Variants in TMEM45B observed in about 807,000 individuals in gnomAD.
TMEM45B encodes the protein transmembrane protein 45B.
Under a neutral mutation model 27.3 loss-of-function variants are expected in TMEM45B, and 29 were observed. The observed-to-expected ratio is 1.06, with a 90% confidence interval of 0.79 to 1.45. The LOEUF (loss-of-function observed/expected upper bound fraction) is 1.45, where lower values mean the gene tolerates loss of function less well. Ranked by LOEUF, TMEM45B falls within the 40% of genes most tolerant of loss-of-function variation. TMEM45B has a pLI of 0.00. For synonymous variants in TMEM45B, 143 were observed against 134.7 expected (o/e 1.06, Z -0.43); for missense variants, 348 against 343.9 (o/e 1.01, Z -0.09).
intron 5 of TMEM45B, among the ~76,000 whole-genome samples, chr11:129,858,187 G>C (rs938174006): frequency 5.3e-5 from 8 of 152,068 alleles, no homozygotes; most frequent in Middle Eastern, 3.2e-3. Context: ...TTTTCTTCTA[G>C]GTCATTTCTC....
At chr11:129,826,054 A>C (rs181103103) in intron 1 of TMEM45B, among the ~76,000 whole-genome samples, 33 of 151,352 alleles carry the variant, frequency 2.2e-4, no homozygotes, top group Non-Finnish European at 3.5e-4. Context: ...CTTTCACTCT[A>C]ATGTATGCTG....
At chr11:129,852,883 AAATC>A (rs1281221435) in intron 2 of TMEM45B, 3 of 402,146 alleles carry the variant, frequency 7.5e-6, no homozygotes, top group Non-Finnish European at 1.3e-5. Context: ...TGAAAAACTC[AAATC>A]AACAAGGACA....
rs180837598 is a variant in TMEM45B at position 129,816,826 on chromosome 11, C to G, written c.-9+928C>G. Reference sequence around the variant, plus strand: ...AATCTCGGATCACTGCAAGCTCCACCTCCCGGGTTCACACCATTCTCCTGC... The same window carrying G: ...AATCTCGGATCACTGCAAGCTCCACGTCCCGGGTTCACACCATTCTCCTGC... On this transcript the variant is annotated intron_variant, in intron 1 of 5. Coordinates refer to ENST00000281441, the MANE Select transcript of TMEM45B (RefSeq NM_138788.5). Among the ~76,000 whole-genome samples, 33 of 149,802 alleles carry G rather than the reference C, an allele frequency of 2.2e-4. No individual in the cohort carries two copies. In the East Asian group the frequency reaches 4.1e-3, roughly 19 times the overall value.
intron 3 of TMEM45B, among the ~76,000 whole-genome samples, chr11:129,855,259 G>A (rs191547291): frequency 3.3e-5 from 5 of 151,996 alleles, no homozygotes; most frequent in Admixed American, 2.6e-4. Context: ...GGGAGGTACC[G>A]TCTTGCCTCC....
At chr11:129,855,428 TAC>T (rs1020592068) in intron 3 of TMEM45B, among the ~76,000 whole-genome samples, 7 of 152,204 alleles carry the variant, frequency 4.6e-5, no homozygotes, top group African/African-American at 1.4e-4. Context: ...ATTTCAAGTA[TAC>T]ACACACAGTC....
At chr11:129,817,669 T>C (rs1947368887) in intron 1 of TMEM45B, among the ~76,000 whole-genome samples, 1 of 152,204 alleles carries the variant, frequency 6.6e-6, no homozygotes, top group Non-Finnish European at 1.5e-5. Context: ...ATTCCATGAG[T>C]TCCTCCCACA....
intron 1 of TMEM45B, among the ~76,000 whole-genome samples, chr11:129,833,460 A>G (rs528299769): frequency 6.6e-6 from 1 of 151,986 alleles, no homozygotes; most frequent in East Asian, 1.9e-4. Flanking sequence ...CAGTAATCCA[A>G]TATGACTGGT....
At chr11:129,834,966 AAGAT>A (rs1039817552) in intron 1 of TMEM45B, among the ~76,000 whole-genome samples, 2 of 152,214 alleles carry the variant, frequency 1.3e-5, no homozygotes, top group African/African-American at 4.8e-5. Context: ...AACTAGAAGA[AAGAT>A]AGACCTTGTT....
rs11823487 is a variant in TMEM45B, at chr11:129,835,132, G to A, written c.-8-17343G>A. On this transcript the variant is annotated intron_variant, in intron 1 of 5. Coordinates refer to ENST00000281441, the MANE Select transcript of TMEM45B (RefSeq NM_138788.5). Reference sequence around the variant, plus strand: ...CTTCTTGCTGCTCATAGTAAAATATGAGAGGAGAGAGACAAGCTAAAAAAG... The same window carrying A: ...CTTCTTGCTGCTCATAGTAAAATATAAGAGGAGAGAGACAAGCTAAAAAAG... Among the ~76,000 whole-genome samples, 1,101 of 152,310 alleles carry A rather than the reference G, an allele frequency of 7.2e-3. 7 individuals carry two copies. The highest frequency in any genetic ancestry group is 0.024 in the African/African-American group (1,015 of 41,560).
chr11:129,827,445 CTG>C (rs1947498649), intron 1 of TMEM45B, among the ~76,000 whole-genome samples: 1 of 152,192 alleles, frequency 6.6e-6, no homozygotes, highest in African/African-American at 2.4e-5. Flanking sequence ...GTACCACACA[CTG>C]TAAGCAGTTA....
Position 129,855,693 on chromosome 11 carries a change from T to C in TMEM45B, c.386-15T>C. ...CCAAGCGTAGCCCTGACAGCTGCCATCTGGTTTGTGGCAGGTTTCCTCTTC... is the reference window on the plus strand; with the variant it reads ...CCAAGCGTAGCCCTGACAGCTGCCACCTGGTTTGTGGCAGGTTTCCTCTTC... On this transcript the variant is annotated splice_polypyrimidine_tract_variant and intron_variant, in intron 3 of 5. Coordinates refer to ENST00000281441, the MANE Select transcript of TMEM45B (RefSeq NM_138788.5). 4 of 1,613,686 alleles carry C rather than the reference T, an allele frequency of 2.5e-6. No homozygotes were observed. Among genetic ancestry groups the C allele is most frequent in the Admixed American group, 1.7e-5 (1 of 60,000 alleles).
At chr11:129,835,623 G>A (rs931135998) in intron 1 of TMEM45B, among the ~76,000 whole-genome samples, 2 of 152,222 alleles carry the variant, frequency 1.3e-5, no homozygotes, top group African/African-American at 4.8e-5. Flanking sequence ...GGCTGCTACT[G>A]CCACCTTGGG....
chr11:129,846,989 T>G (rs1308202031), intron 1 of TMEM45B, among the ~76,000 whole-genome samples: 3 of 152,216 alleles, frequency 2.0e-5, no homozygotes, highest in African/African-American at 7.2e-5. Context: ...GTATATGGCC[T>G]TATTGGCCCT....
At chr11:129,821,427 C>A (rs767916682) in intron 1 of TMEM45B, among the ~76,000 whole-genome samples, 27 of 152,176 alleles carry the variant, frequency 1.8e-4, no homozygotes, top group Non-Finnish European at 1.3e-4. Context: ...TAAATACACA[C>A]ACACTTTTTT....
intron 1 of TMEM45B, among the ~76,000 whole-genome samples, chr11:129,820,488 A>G (rs1443362380): frequency 6.6e-6 from 1 of 152,146 alleles, no homozygotes; most frequent in Admixed American, 6.5e-5. Context: ...CTAAAAAGCA[A>G]TGGGTAATGC....
Position 129,858,595 on chromosome 11 carries a change from A to G in TMEM45B, c.738A>G (p.Arg246=). The change falls in exon 6 of 6, where the codon AGA becomes AGG. Residue 246 remains arginine (R), a synonymous_variant. Transcript: ENST00000281441. ...LVYCLLTRMK[R]HGRGEIIGIQ... ...AAAGCCTTTTGACTCGGATGAAGAG[A>G]CACGGAAGGGGAGAAATCATTGGAA... 4 of 1,587,662 alleles carry G rather than the reference A, an allele frequency of 2.5e-6. No homozygotes were observed. The highest frequency in any genetic ancestry group is 3.4e-6 in the Non-Finnish European group (4 of 1,165,982).
chr11:129,858,663 T>C lies in TMEM45B; in HGVS notation c.806T>C (p.Leu269Ser), dbSNP rs749755066. ...GATGACACTTACCAGACCGCCCTCT[T>C]GAGTGGCTCAGATGAGGAATGAGCC... is the stretch of plus-strand genomic sequence containing the variant. ...NSDDTYQTAL[L>S]SGSDEE Residue 269 changes from leucine (L) to serine (S), a missense_variant, in exon 6 of 6, where the codon TTG (leucine) becomes TCG (serine). Transcript: ENST00000281441. 1.9e-6 allele frequency: 3 copies of C among 1,565,384 alleles called. No homozygotes were observed. The highest frequency in any genetic ancestry group is 2.6e-6 in the Non-Finnish European group (3 of 1,153,344).
In TMEM45B at chr11:129,859,940, G is replaced by A. The variant is rs1193935880; in HGVS notation, c.*1255G>A. The A allele has an allele frequency of 6.6e-6, 1 of 152,608 alleles. No homozygotes were observed. The highest frequency in any genetic ancestry group is 1.5e-5 in the Non-Finnish European group (1 of 68,048). 9.5% of individuals were successfully genotyped at this position (152,608 alleles called of 1,614,324 possible). On this transcript the variant is annotated 3_prime_UTR_variant, in exon 6 of 6. Transcript: ENST00000281441. The stretch of plus-strand genomic sequence containing the variant: ...CAGCAAGGAGTTTACAGTCAAACAG[G>A]AGAGACATGCCTGTAGTTACATCCA...
intron 1 of TMEM45B, among the ~76,000 whole-genome samples, chr11:129,818,997 G>A (rs1001082787): frequency 4.6e-5 from 7 of 151,996 alleles, no homozygotes; most frequent in Admixed American, 6.6e-5. Context: ...TTATTTTGAT[G>A]TACTCTTTTG....
Sources: allele counts gnomAD v4.1 joint callset (sites outside exome capture counted in the v4.1 genomes callset), GRCh38; gene constraint gnomAD v4.1.1; transcripts MANE v1.5; gene names NCBI Gene and HGNC (gene_info 2026-07-23, HGNC 2026-07-21).